The following GRIK4 variants were observed in gnomAD, a reference collection of about 807,000 sequenced individuals.
GRIK4 encodes the protein glutamate ionotropic receptor kainate type subunit 4, also known as glutamate receptor ionotropic, kainate 4.
A neutral mutation model predicts 104.9 loss-of-function variants in GRIK4; 40 were observed. The observed-to-expected ratio is 0.38, with a 90% CI of 0.30 to 0.50. The LOEUF (loss-of-function observed/expected upper bound fraction) is 0.50, where lower values mean the gene tolerates loss of function less well. Among genes scored for constraint, GRIK4 ranks in the 20% least tolerant of loss-of-function variants. GRIK4 has a pLI of 0.93. For missense variants in GRIK4, 1,047 were observed against 1,308.1 expected (o/e 0.80, Z 3.08); for synonymous variants, 485 against 524.9 (o/e 0.92, Z 1.04).
intron 1 of GRIK4, among the ~76,000 whole-genome samples, chr11:120,562,680 T>C (rs1948254407): frequency 6.6e-6 from 1 of 152,132 alleles, no homozygotes; most frequent in South Asian, 2.1e-4. Flanking sequence ...GGGCCTTGTA[T>C]ACCAGGCTAA....
At chr11:120,868,592 C>CT (rs371635614) in intron 9 of GRIK4, 1,431 of 142,442 alleles carry the variant, frequency 0.01, 29 homozygotes, top group African/African-American at 0.034. Context: ...GGATGGAGGG[C>CT]TTTTTTTTTT....
intron 3 of GRIK4, among the ~76,000 whole-genome samples, chr11:120,713,270 T>C (rs960993709): frequency 6.6e-6 from 1 of 152,196 alleles, no homozygotes; most frequent in South Asian, 2.1e-4. Flanking sequence ...ATTCTGCTGT[T>C]CATTGGTTGT....
rs554450273 is a variant in GRIK4 at position 120,925,555 on chromosome 11, T to C, written c.1477-14792T>C. ...CAGCTGTTTTGGCAGCCAGCAGGGA[T>C]GGGAGACAGGCAGAAGAGGGTGGAC... On this transcript the variant is annotated intron_variant, in intron 13 of 20. Coordinates refer to ENST00000527524, the MANE Select transcript of GRIK4 (RefSeq NM_014619.5). Among the ~76,000 whole-genome samples, 9 of 152,274 alleles carry C rather than the reference T, an allele frequency of 5.9e-5. No homozygotes were observed. In the South Asian group the frequency reaches 1.9e-3, roughly 32 times the overall value.
At chr11:120,895,525 G>A (rs1020861983) in intron 11 of GRIK4, among the ~76,000 whole-genome samples, 7 of 152,130 alleles carry the variant, frequency 4.6e-5, no homozygotes, top group Admixed American at 6.5e-5. Context: ...TATGTATTTG[G>A]ACTTCTTAAT....
In GRIK4 at chr11:120,686,815, C is replaced by T. The variant is rs75192467; in HGVS notation, c.82+26415C>T. ...CTGGGAAACTGAAGGTGGTGATCCA[C>T]GCATAGGCAGAGCAGCGGAAAAAGC... On this transcript the variant is annotated intron_variant, in intron 3 of 20. Transcript: ENST00000527524. Among the ~76,000 whole-genome samples the T allele has an allele frequency of 8.0e-3, 1,221 of 152,332 alleles. 57 individuals carry two copies. In the East Asian group the frequency reaches 0.13, roughly 16 times the overall value.
intron 4 of GRIK4, among the ~76,000 whole-genome samples, chr11:120,803,662 T>C (rs1952663501): frequency 6.6e-6 from 1 of 152,222 alleles, no homozygotes. Context: ...GGTCTTGAAC[T>C]CCTGACCCCA....
chr11:120,516,257 G>C (rs188449394), intron 1 of GRIK4, among the ~76,000 whole-genome samples: 3 of 152,258 alleles, frequency 2.0e-5, no homozygotes, highest in East Asian at 1.9e-4. Context: ...GGAACATGGC[G>C]TGTGTGTTGA....
intron 1 of GRIK4, among the ~76,000 whole-genome samples, chr11:120,635,962 A>G (rs531466724): frequency 2.0e-5 from 3 of 152,216 alleles, no homozygotes; most frequent in Non-Finnish European, 4.4e-5. Context: ...GGCATCCGCT[A>G]TCCTGACTTC....
At chr11:120,686,761 T>A (rs543776500) in intron 3 of GRIK4, among the ~76,000 whole-genome samples, 3 of 152,348 alleles carry the variant, frequency 2.0e-5, no homozygotes, top group Admixed American at 2.0e-4. Flanking sequence ...TACATTAATA[T>A]GAGCTTGCAT....
At chr11:120,751,752 C>T (rs983013746) in intron 3 of GRIK4, among the ~76,000 whole-genome samples, 8 of 152,218 alleles carry the variant, frequency 5.3e-5, no homozygotes, top group African/African-American at 1.4e-4. Context: ...CGGTGAAGGG[C>T]CTGCTCCTTC....
At chr11:120,564,239 C>A (rs1026859392) in intron 1 of GRIK4, among the ~76,000 whole-genome samples, 1 of 152,264 alleles carries the variant, frequency 6.6e-6, no homozygotes, top group Non-Finnish European at 1.5e-5. Flanking sequence ...AATCCAGCCC[C>A]TTGTTACGGG....
chr11:120,767,329 G>C (rs1951857460), intron 3 of GRIK4, among the ~76,000 whole-genome samples: 2 of 151,996 alleles, frequency 1.3e-5, no homozygotes, highest in African/African-American at 4.8e-5. Flanking sequence ...TATATCTGTT[G>C]GCCATTTGTA....
chr11:120,774,324 CTG>C (rs902165733), intron 3 of GRIK4, among the ~76,000 whole-genome samples: 23 of 151,872 alleles, frequency 1.5e-4, no homozygotes, highest in African/African-American at 5.6e-4. Flanking sequence ...AGAACCAGCT[CTG>C]TGTGTGTGTG....
At chr11:120,690,976 T>C (rs1242250504) in intron 3 of GRIK4, among the ~76,000 whole-genome samples, 1 of 152,170 alleles carries the variant, frequency 6.6e-6, no homozygotes, top group East Asian at 1.9e-4. Context: ...GCCTTCTAAT[T>C]CCTTTAATCA....
chr11:120,862,029 A>C lies in GRIK4; in HGVS notation c.815A>C (p.Asn272Thr). The C allele has an allele frequency of 1.2e-6, 2 of 1,613,688 alleles. No homozygotes were observed. Among genetic ancestry groups the C allele is most frequent in the Non-Finnish European group, 1.7e-6 (2 of 1,179,546 alleles). Residue 272 changes from asparagine to threonine, a missense_variant, in exon 9 of 21, where the codon AAC becomes ACC. Physicochemically the swap from Asn to Thr is moderately conservative, Grantham distance 65 (BLOSUM62 0). This residue lies in a region of GRIK4 where 447 missense variants were observed against 514.9 expected (regional missense o/e 0.87). Coordinates refer to ENST00000527524, the MANE Select transcript of GRIK4 (RefSeq NM_014619.5). ...AACATCCTGGGATTTTCCATTTTCA[A>C]CCAATCCCATGCTTTCTTCCAAGAG... is the stretch of plus-strand genomic sequence containing the variant. ...RVNILGFSIFNQSHAFFQEFA... is the reference protein window; with the variant it reads ...RVNILGFSIFTQSHAFFQEFA...
At chr11:120,625,091 A>C (rs1331569796) in intron 1 of GRIK4, among the ~76,000 whole-genome samples, 1 of 152,166 alleles carries the variant, frequency 6.6e-6, no homozygotes, top group African/African-American at 2.4e-5. Flanking sequence ...AGAGGCCAAC[A>C]TGGTAAAACC....
In GRIK4 at chr11:120,874,202, T is replaced by C. The variant is rs1954701365; in HGVS notation, c.1043T>C (p.Met348Thr). Reference protein sequence around the residue: ...AQIWQHGTSLMNYLRMVELEG... With the variant: ...AQIWQHGTSLTNYLRMVELEG... ...ATCTGGCAGCACGGCACCAGCCTCATGAACTACCTGCGCATGGTGAGGAGC... is the reference window on the plus strand; with the variant it reads ...ATCTGGCAGCACGGCACCAGCCTCACGAACTACCTGCGCATGGTGAGGAGC... Residue 348 changes from methionine (M) to threonine (T), a missense_variant, in exon 10 of 21, where the codon ATG (methionine) becomes ACG (threonine). Met to Thr is a moderately conservative substitution (Grantham distance 81). This residue lies in a region of GRIK4 where 447 missense variants were observed against 514.9 expected (regional missense o/e 0.87). Coordinates refer to ENST00000527524, the MANE Select transcript of GRIK4 (RefSeq NM_014619.5). 1.2e-6 allele frequency: 2 copies of C among 1,612,180 alleles called. No individual in the cohort carries two copies. The highest frequency in any genetic ancestry group is 2.7e-5 in the African/African-American group (2 of 74,922).
At chr11:120,760,167 T>G (rs1951722107) in intron 3 of GRIK4, among the ~76,000 whole-genome samples, 1 of 151,876 alleles carries the variant, frequency 6.6e-6, no homozygotes, top group Non-Finnish European at 1.5e-5. Context: ...CCACCTGTGA[T>G]AACCACTGTT....
intron 8 of GRIK4, chr11:120,858,129 G>A (rs565486206): frequency 3.9e-5 from 6 of 152,258 alleles, no homozygotes; most frequent in East Asian, 1.9e-4. Context: ...TGTTCCACCC[G>A]AGGGACTGTT....
Sources: gnomAD v4.1 joint callset for allele counts (sites outside exome capture counted in the v4.1 genomes callset) on GRCh38, gnomAD v4.1.1 for gene constraint, gnomAD v4.1.1 regional missense constraint, MANE v1.5 for transcripts, NCBI Gene and HGNC (gene_info 2026-07-23, HGNC 2026-07-21) for gene names.